Variants in SPAG16 observed in about 807,000 individuals in gnomAD.
SPAG16 encodes sperm-associated antigen 16 protein.
A neutral mutation model predicts 80.4 loss-of-function variants in SPAG16; 86 were observed. The observed-to-expected ratio is 1.07, with a 90% CI of 0.90 to 1.28. The LOEUF is 1.28. Among genes scored for constraint, SPAG16 ranks in the 50% most tolerant of loss-of-function variants. SPAG16 has a pLI of 0.00. For synonymous variants in SPAG16, 294 were observed against 265.9 expected, an observed-to-expected ratio of 1.11 and a Z score of -1.03; for missense variants, 870 against 765.3, an observed-to-expected ratio of 1.14 and a Z score of -1.61.
At chr2:213,927,248 G>A (rs1191928603) in intron 11 of SPAG16, among the ~76,000 whole-genome samples, 1 of 152,164 alleles carries the variant, frequency 6.6e-6, no homozygotes, top group Non-Finnish European at 1.5e-5. Context: ...TGGAATTAGG[G>A]CATCAATGTA....
chr2:213,862,802 T>C (rs2075532789), intron 11 of SPAG16, among the ~76,000 whole-genome samples, 174 bp downstream of exon 11: 1 of 152,232 alleles, frequency 6.6e-6, no homozygotes, highest in African/African-American at 2.4e-5. Flanking sequence ...TATTGACTTC[T>C]GATTGTTTTT....
At chr2:213,663,779 G>A (rs1026435285) in intron 10 of SPAG16, among the ~76,000 whole-genome samples, 11 of 151,952 alleles carry the variant, frequency 7.2e-5, no homozygotes, top group Admixed American at 1.3e-4. Context: ...TACATTTGAT[G>A]AGCTATTATT....
intron 15 of SPAG16, among the ~76,000 whole-genome samples, chr2:214,350,570 T>A (rs1251084747): frequency 6.6e-6 from 1 of 152,000 alleles, no homozygotes; most frequent in African/African-American, 2.4e-5. Context: ...CTATATGGAG[T>A]TGGCAGGAAA....
intron 12 of SPAG16, among the ~76,000 whole-genome samples, chr2:213,970,981 G>A (rs1298785728): frequency 6.6e-6 from 1 of 152,064 alleles, no homozygotes; most frequent in Non-Finnish European, 1.5e-5. Context: ...TAATTAGGTT[G>A]TTTTTGATGG....
At position 213,863,628 on chromosome 2, in the gene SPAG16, G is replaced by T. The variant is rs529305375; in HGVS notation, c.1214+1000G>T. 2.6e-5 allele frequency among the ~76,000 whole-genome samples: 4 copies of T among 151,978 alleles called. No individual in the cohort carries two copies. The South Asian group carries it at 8.3e-4, about 32-fold the overall frequency. ...GTATCCAGTATATAAATTAAACAGA[G>T]CCTTGCCACCCTCTCACCTCTTAGG... On this transcript the variant is annotated intron_variant, in intron 11 of 15. Transcript: ENST00000331683.
intron 13 of SPAG16, among the ~76,000 whole-genome samples, chr2:214,068,859 T>A (rs1385374246): frequency 6.6e-6 from 1 of 152,130 alleles, no homozygotes; most frequent in Admixed American, 6.6e-5. Flanking sequence ...TAGTCTCATT[T>A]TTTTTTCCCT....
At chr2:214,307,368 T>G (rs1175520160) in intron 15 of SPAG16, among the ~76,000 whole-genome samples, 1 of 152,092 alleles carries the variant, frequency 6.6e-6, no homozygotes, top group African/African-American at 2.4e-5. Context: ...TTTTGAATGG[T>G]TTTTCATATC....
chr2:214,182,071 G>T (rs893059932), intron 15 of SPAG16, among the ~76,000 whole-genome samples: 3 of 151,636 alleles, frequency 2.0e-5, no homozygotes, highest in African/African-American at 7.3e-5. Context: ...TTTTCTACTT[G>T]ATCATGGAAT....
chr2:214,388,828 T>C (rs989890455), intron 15 of SPAG16, among the ~76,000 whole-genome samples: 1 of 152,236 alleles, frequency 6.6e-6, no homozygotes, highest in African/African-American at 2.4e-5. Flanking sequence ...TATTGGTTTC[T>C]GAAATTCTGC....
At chr2:214,291,542 T>C (rs1693805463) in intron 15 of SPAG16, among the ~76,000 whole-genome samples, 1 of 151,756 alleles carries the variant, frequency 6.6e-6, no homozygotes, top group African/African-American at 2.4e-5. Flanking sequence ...CCTGACCTCG[T>C]GATCCGCCCG....
chr2:213,960,840 T>C (rs1246344338), intron 12 of SPAG16, among the ~76,000 whole-genome samples: 1 of 152,204 alleles, frequency 6.6e-6, no homozygotes, highest in Non-Finnish European at 1.5e-5. Flanking sequence ...GGGGGAGCGC[T>C]TGCAATAATG....
At chr2:214,259,834 C>T (rs1691006445) in intron 15 of SPAG16, among the ~76,000 whole-genome samples, 1 of 152,074 alleles carries the variant, frequency 6.6e-6, no homozygotes, top group Non-Finnish European at 1.5e-5. Flanking sequence ...CTGAATTATC[C>T]AGCTGCGTTA....
chr2:214,130,494 A>G (rs1424072558), intron 14 of SPAG16, among the ~76,000 whole-genome samples: 1 of 152,188 alleles, frequency 6.6e-6, no homozygotes, highest in Non-Finnish European at 1.5e-5. Flanking sequence ...CTTCTGACAT[A>G]CAGAGTGATG....
chr2:213,737,871 A>G (rs1157266366), intron 10 of SPAG16, among the ~76,000 whole-genome samples: 1 of 152,122 alleles, frequency 6.6e-6, no homozygotes, highest in African/African-American at 2.4e-5. Context: ...TTTTGTCAGC[A>G]TGACATTTTG....
chr2:213,597,292 C>T (rs190682536), intron 10 of SPAG16, among the ~76,000 whole-genome samples: 1 of 152,198 alleles, frequency 6.6e-6, no homozygotes, highest in Non-Finnish European at 1.5e-5. Context: ...CAGTATTAGC[C>T]ATACATTCCA....
At chr2:213,744,990 TG>T (rs1339898672) in intron 10 of SPAG16, among the ~76,000 whole-genome samples, 2 of 152,252 alleles carry the variant, frequency 1.3e-5, no homozygotes, top group Non-Finnish European at 2.9e-5. Flanking sequence ...TTTTGGGTAT[TG>T]TATGACATAC....
At chr2:213,805,173 T>G (rs2071690080) in intron 10 of SPAG16, among the ~76,000 whole-genome samples, 1 of 152,158 alleles carries the variant, frequency 6.6e-6, no homozygotes, top group African/African-American at 2.4e-5. Flanking sequence ...GCTTCTCCCT[T>G]TAATCAGAGT....
At chr2:213,750,478 T>C (rs2068029489) in intron 10 of SPAG16, among the ~76,000 whole-genome samples, 1 of 152,232 alleles carries the variant, frequency 6.6e-6, no homozygotes, top group Admixed American at 6.5e-5. Context: ...ATTAAAATAA[T>C]ATTTTATTAC....
chr2:213,718,882 C>A (rs577819265), intron 10 of SPAG16, among the ~76,000 whole-genome samples: 169 of 152,284 alleles, frequency 1.1e-3, no homozygotes, highest in East Asian at 2.7e-3. Context: ...TGCGAGCACA[C>A]GGCGCAGGAC....
Sources: allele counts gnomAD v4.1 joint callset (sites outside exome capture counted in the v4.1 genomes callset), GRCh38; gene constraint gnomAD v4.1.1; transcripts MANE v1.5; gene names NCBI Gene and HGNC (gene_info 2026-07-23, HGNC 2026-07-21).